The following SPAG16 variants were observed in gnomAD, a reference collection of about 807,000 sequenced individuals.
The protein encoded by SPAG16 is sperm associated antigen 16.
In SPAG16, 86 loss-of-function variants were observed where a neutral mutation model predicts 80.4. The observed-to-expected ratio is 1.07, with a 90% CI of 0.90 to 1.28. SPAG16 has a LOEUF of 1.28. Ranked by LOEUF, SPAG16 falls within the 50% of genes most tolerant of loss-of-function variation. The probability of loss-of-function intolerance (pLI) is 0.00; values close to 1 mark genes in which losing one functional copy is unlikely to be tolerated. For synonymous variants in SPAG16, 294 were observed against 265.9 expected (o/e 1.11, Z -1.03); for missense variants, 870 against 765.3 (o/e 1.14, Z -1.61).
chr2:214,034,637 G>T (rs963297893), intron 13 of SPAG16, among the ~76,000 whole-genome samples: 28 of 152,352 alleles, frequency 1.8e-4, no homozygotes, highest in Admixed American at 1.2e-3. Flanking sequence ...CACTGACACA[G>T]GTGCTGGCTC....
At chr2:213,825,953 G>C (rs576531420) in intron 10 of SPAG16, among the ~76,000 whole-genome samples, 1 of 151,598 alleles carries the variant, frequency 6.6e-6, no homozygotes, top group East Asian at 1.9e-4. Flanking sequence ...GGTCTGTTCA[G>C]GTTTTGGATT....
chr2:213,631,316 C>T (rs945353190), intron 10 of SPAG16, among the ~76,000 whole-genome samples: 4 of 152,110 alleles, frequency 2.6e-5, no homozygotes, highest in African/African-American at 4.8e-5. Context: ...AGAAAACACT[C>T]GGTGGTAAAC....
At chr2:213,588,584 C>T (rs1380547990) in intron 10 of SPAG16, among the ~76,000 whole-genome samples, 3 of 150,052 alleles carry the variant, frequency 2.0e-5, no homozygotes, top group Admixed American at 6.6e-5. Context: ...GGGTGGATCA[C>T]GAGGTCAGGA....
intron 11 of SPAG16, among the ~76,000 whole-genome samples, chr2:213,866,297 C>T (rs1461903439): frequency 6.6e-6 from 1 of 151,830 alleles, no homozygotes; most frequent in Non-Finnish European, 1.5e-5. Flanking sequence ...GTAACAGAGA[C>T]CCATTTCACT....
At chr2:214,323,275 T>C (rs1203790432) in intron 15 of SPAG16, among the ~76,000 whole-genome samples, 10 of 152,042 alleles carry the variant, frequency 6.6e-5, no homozygotes, top group Non-Finnish European at 1.5e-4. Context: ...TCTGTGTGCA[T>C]GCACTGGTAT....
chr2:213,541,937 T>A (rs1348700756), intron 10 of SPAG16, among the ~76,000 whole-genome samples: 3 of 152,188 alleles, frequency 2.0e-5, no homozygotes, highest in Non-Finnish European at 4.4e-5. Flanking sequence ...AGATACCAAC[T>A]TTATGGTTAC....
At chr2:213,903,515 C>T (rs565823178) in intron 11 of SPAG16, among the ~76,000 whole-genome samples, 6 of 152,230 alleles carry the variant, frequency 3.9e-5, no homozygotes, top group East Asian at 3.9e-4. Context: ...TGCAGGGCAC[C>T]GAGTCCCTAG....
At chr2:213,629,068 G>A (rs10932490) in intron 10 of SPAG16, among the ~76,000 whole-genome samples, 1 of 152,016 alleles carries the variant, frequency 6.6e-6, no homozygotes, top group African/African-American at 2.4e-5. Context: ...AACTTTTTCA[G>A]AGGAAGAAAC....
At chr2:214,297,287 T>C (rs952042015) in intron 15 of SPAG16, among the ~76,000 whole-genome samples, 51 of 152,304 alleles carry the variant, frequency 3.3e-4, no homozygotes, top group African/African-American at 1.2e-3. Flanking sequence ...TAATTTTTTG[T>C]TGTTATGCAG....
intron 9 of SPAG16, among the ~76,000 whole-genome samples, chr2:213,412,685 A>G (rs1425597363): frequency 2.0e-5 from 3 of 151,506 alleles, no homozygotes. Flanking sequence ...AGAATTTCCC[A>G]TTTTTGGAGA....
intron 15 of SPAG16, among the ~76,000 whole-genome samples, chr2:214,221,289 G>T (rs945191522): frequency 2.0e-5 from 3 of 150,756 alleles, no homozygotes; most frequent in Non-Finnish European, 4.4e-5. Context: ...AGTTTTTTTT[G>T]AATGATGTTT....
intron 10 of SPAG16, among the ~76,000 whole-genome samples, chr2:213,643,756 G>T (rs2062712993): frequency 7.6e-6 from 1 of 132,238 alleles, no homozygotes; most frequent in African/African-American, 2.8e-5. Context: ...CTGTCTTCAA[G>T]CTCACTACTT....
At chr2:213,600,416 A>T (rs1046805065) in intron 10 of SPAG16, among the ~76,000 whole-genome samples, 2 of 152,116 alleles carry the variant, frequency 1.3e-5, no homozygotes, top group African/African-American at 4.8e-5. Context: ...TTTTAGAATT[A>T]ATTTTGCCTC....
At position 213,845,338 on chromosome 2, in the gene SPAG16, C is replaced by A. The variant is rs539140509; in HGVS notation, c.1071-17147C>A. Among the ~76,000 whole-genome samples, 156 of 152,036 alleles carry A rather than the reference C, an allele frequency of 1.0e-3. 1 individual carries two copies. Among genetic ancestry groups the A allele is most frequent in the Admixed American group, 1.8e-3 (27 of 15,266 alleles). Reference sequence around the variant, plus strand: ...TCAGCCTCCCGAGTAGCTGGGACTGCAGGCATCCGCTACCACGCCCAGCTA... The same window carrying A: ...TCAGCCTCCCGAGTAGCTGGGACTGAAGGCATCCGCTACCACGCCCAGCTA... On this transcript the variant is annotated intron_variant, in intron 10 of 15. Coordinates refer to ENST00000331683, the MANE Select transcript of SPAG16 (RefSeq NM_024532.5).
rs1037041668 is a variant in SPAG16 at position 214,216,616 on chromosome 2, G to A, written c.1720+67350G>A. Among the ~76,000 whole-genome samples, 89 of 152,296 alleles carry A rather than the reference G, an allele frequency of 5.8e-4. 1 individual carries two copies. The highest frequency in any genetic ancestry group is 2.1e-3 in the African/African-American group (86 of 41,552). ...ATTACAGGCGTGAGCCACTGCGCCCGGCCAGTGCTGTGATTCTTAAAATGA... is the reference window on the plus strand; with the variant it reads ...ATTACAGGCGTGAGCCACTGCGCCCAGCCAGTGCTGTGATTCTTAAAATGA... On this transcript the variant is annotated intron_variant, in intron 15 of 15. Coordinates refer to ENST00000331683, the MANE Select transcript of SPAG16 (RefSeq NM_024532.5).
chr2:213,295,981 T>C (rs1227456476), intron 1 of SPAG16, 83 bp from the exon 2 acceptor site: 14 of 1,153,420 alleles, frequency 1.2e-5, no homozygotes, highest in Admixed American at 1.7e-5. Flanking sequence ...TTGAATCCAA[T>C]ACTATATTTG....
chr2:214,359,323 A>C (rs1268597476), intron 15 of SPAG16, among the ~76,000 whole-genome samples: 2 of 152,018 alleles, frequency 1.3e-5, no homozygotes, highest in Admixed American at 1.3e-4. Flanking sequence ...GGTCTGCCTG[A>C]CTGCAGATCC....
chr2:213,879,399 A>G (rs371997229), intron 11 of SPAG16, among the ~76,000 whole-genome samples: 109 of 150,138 alleles, frequency 7.3e-4, no homozygotes, highest in Non-Finnish European at 1.3e-3. Flanking sequence ...GTGTGTGTGT[A>G]TATACATATA....
At chr2:214,086,620 T>C (rs2051780270) in intron 13 of SPAG16, among the ~76,000 whole-genome samples, 1 of 152,148 alleles carries the variant, frequency 6.6e-6, no homozygotes, top group African/African-American at 2.4e-5. Flanking sequence ...TTATGTTTCC[T>C]GAGGCCTCCC....
Sources: allele counts gnomAD v4.1 joint callset (sites outside exome capture counted in the v4.1 genomes callset), GRCh38; gene constraint gnomAD v4.1.1; transcripts MANE v1.5; gene names NCBI Gene and HGNC (gene_info 2026-07-23, HGNC 2026-07-21).